Variants in PDE12 observed in about 807,000 individuals in gnomAD.
PDE12 encodes phosphodiesterase 12, also known as 2',5'-phosphodiesterase 12.
PDE12 carries 26 observed loss-of-function variants against 45.4 expected under a neutral mutation model. That is an observed-to-expected ratio of 0.57 (90% CI 0.42 to 0.79). The LOEUF (loss-of-function observed/expected upper bound fraction) is 0.79. Among genes scored for constraint, PDE12 ranks in the 30% least tolerant of loss-of-function variants. The pLI is 0.00. For missense variants in PDE12, 668 were observed against 790.0 expected, an observed-to-expected ratio of 0.85 and a Z score of 1.85; for synonymous variants, 283 against 323.9, an observed-to-expected ratio of 0.87 and a Z score of 1.36.
At chr3:57,622,948 G>A in the PDE12 span, among the ~76,000 whole-genome samples, 15 of 152,316 alleles carry the variant, frequency 9.8e-5, no homozygotes, top group Middle Eastern at 3.4e-3. Flanking sequence ...GGAGACAGGA[G>A]TGCAAATGGG....
At chr3:57,559,493 G>A (rs1411538993) in intron 2 of PDE12, 69 bp from the exon 3 acceptor site, 3 of 1,554,888 alleles carry the variant, frequency 1.9e-6, no homozygotes, top group Non-Finnish European at 2.6e-6. Context: ...TGTAATTTGT[G>A]TAGTTTTTCT....
In PDE12 at chr3:57,560,268, T is replaced by G. The variant is rs996588367; in HGVS notation, c.*264T>G. 1.7e-6 allele frequency: 2 copies of G among 1,203,546 alleles called. No homozygotes were observed. The highest frequency in any genetic ancestry group is 3.2e-5 in the African/African-American group (2 of 63,290). The allele number at this position is 1,203,546 out of a possible 1,614,324, so 74.6% of individuals were successfully genotyped here. ...AAAATTGAATTATTTTTCTCCAAATTGAGACTCTCAGAAAAGGAAGATTGA... is the reference window on the plus strand; with the variant it reads ...AAAATTGAATTATTTTTCTCCAAATGGAGACTCTCAGAAAAGGAAGATTGA... On this transcript the variant is annotated 3_prime_UTR_variant, in exon 3 of 3. Transcript: ENST00000311180.
At chr3:57,586,499 A>G in the PDE12 span, among the ~76,000 whole-genome samples, 2 of 152,206 alleles carry the variant, frequency 1.3e-5, no homozygotes, top group African/African-American at 2.4e-5. Flanking sequence ...CCTACCAAGA[A>G]TAACTTTAAG....
chr3:57,584,123 T>C, the PDE12 span: 3 of 777,642 alleles, frequency 3.9e-6, no homozygotes, highest in South Asian at 1.8e-5. Flanking sequence ...TTTTAAAAAA[T>C]ATATTTAAGC....
chr3:57,630,606 G>T, the PDE12 span: 5 of 1,521,490 alleles, frequency 3.3e-6, no homozygotes, highest in Non-Finnish European at 4.4e-6. Context: ...AGAGAACCAT[G>T]TCAAACTTTA....
the PDE12 span, among the ~76,000 whole-genome samples, chr3:57,612,604 C>G: frequency 6.6e-6 from 1 of 151,998 alleles, no homozygotes; most frequent in South Asian, 2.1e-4. Flanking sequence ...AACCCCGTGT[C>G]TACTAAAAAT....
At chr3:57,597,213 TC>T in the PDE12 span, 1 of 1,438,708 alleles carries the variant, frequency 7.0e-7, no homozygotes. Flanking sequence ...CCTTTCAAGC[TC>T]CCAGGCAAAC....
At chr3:57,644,360 C>T in the PDE12 span, among the ~76,000 whole-genome samples, 3 of 151,852 alleles carry the variant, frequency 2.0e-5, no homozygotes, top group Non-Finnish European at 2.9e-5. Context: ...GGCTGGAGTC[C>T]AGTGGCACGA....
chr3:57,591,487 GAC>G, the PDE12 span, among the ~76,000 whole-genome samples: 13 of 141,626 alleles, frequency 9.2e-5, no homozygotes, highest in Non-Finnish European at 1.8e-4. Flanking sequence ...TTTTTTTTGA[GAC>G]AGAGTCTCAC....
At chr3:57,612,808 C>A in the PDE12 span, among the ~76,000 whole-genome samples, 9 of 150,530 alleles carry the variant, frequency 6.0e-5, no homozygotes, top group Admixed American at 2.0e-4. Context: ...TGAAAGAACC[C>A]AGGAAAAAAA....
Position 57,565,009 on chromosome 3 carries a change from G to C in PDE12, c.*5005G>C, listed in dbSNP as rs2069769517. ...ACACATTTTTTTTTTTTTTAAATAA[G>C]ACAGGGTGTTGCTGTTGCCCAGGCT... On this transcript the variant is annotated 3_prime_UTR_variant, in exon 3 of 3. Transcript: ENST00000311180. The C allele has an allele frequency of 6.7e-6, 1 of 148,538 alleles. No homozygotes were observed. Among genetic ancestry groups the C allele is most frequent in the African/African-American group, 2.5e-5 (1 of 40,028 alleles). The allele number at this position is 148,538 out of a possible 1,614,324, so 9.2% of individuals were successfully genotyped here.
At chr3:57,634,850 C>A in the PDE12 span, 1 of 1,109,118 alleles carries the variant, frequency 9.0e-7, no homozygotes, top group Non-Finnish European at 1.2e-6. Context: ...GATTTATAAT[C>A]TGTTTATTAC....
chr3:57,599,497 A>T, the PDE12 span, among the ~76,000 whole-genome samples: 17 of 152,350 alleles, frequency 1.1e-4, no homozygotes, highest in East Asian at 3.1e-3. Context: ...TCTTAAATTC[A>T]AAAGACAAAC....
chr3:57,655,902 CTCTA>C, the PDE12 span, among the ~76,000 whole-genome samples: 1 of 152,128 alleles, frequency 6.6e-6, no homozygotes, highest in Non-Finnish European at 1.5e-5. Flanking sequence ...AATAATTGAA[CTCTA>C]TATTAATTTA....
chr3:57,612,479 A>T, the PDE12 span, among the ~76,000 whole-genome samples: 1 of 152,156 alleles, frequency 6.6e-6, no homozygotes, highest in East Asian at 1.9e-4. Flanking sequence ...ATAAAGTGAA[A>T]CCATTAAAAA....
the PDE12 span, chr3:57,619,364 A>G: frequency 6.5e-6 from 1 of 153,574 alleles, no homozygotes; most frequent in African/African-American, 2.4e-5. Flanking sequence ...AAAACAAAAC[A>G]AAACAAAACA....
At chr3:57,637,852 C>A in the PDE12 span, among the ~76,000 whole-genome samples, 2 of 150,870 alleles carry the variant, frequency 1.3e-5, no homozygotes, top group African/African-American at 4.9e-5. Flanking sequence ...CTCCTGTGCA[C>A]AGGCCGGGCA....
the PDE12 span, among the ~76,000 whole-genome samples, chr3:57,650,128 G>C: frequency 6.6e-6 from 1 of 151,962 alleles, no homozygotes; most frequent in South Asian, 2.1e-4. Flanking sequence ...TGAACTTTGG[G>C]AACTCAGTGG....
At chr3:57,584,003 A>G in the PDE12 span, 29 of 1,603,920 alleles carry the variant, frequency 1.8e-5, no homozygotes, top group East Asian at 5.8e-4. Context: ...TTTCCACATT[A>G]AAACCTACAA....
Sources: gnomAD v4.1 joint callset for allele counts (sites outside exome capture counted in the v4.1 genomes callset) on GRCh38, gnomAD v4.1.1 for gene constraint, MANE v1.5 for transcripts, NCBI Gene and HGNC (gene_info 2026-07-23, HGNC 2026-07-21) for gene names.